The following ARHGEF3 variants were observed in gnomAD, a reference collection of about 807,000 sequenced individuals.
ARHGEF3 encodes 59.8 kDA protein.
ARHGEF3 carries 28 observed loss-of-function variants against 63.2 expected under a neutral mutation model. The ratio of observed to expected loss-of-function variants is 0.44; its 90% CI spans 0.33 to 0.61. ARHGEF3 has a LOEUF of 0.61. Among genes scored for constraint, ARHGEF3 ranks in the 20% least tolerant of loss-of-function variants. The probability of loss-of-function intolerance (pLI) is 0.03; values close to 1 mark genes in which losing one functional copy is unlikely to be tolerated. For synonymous variants in ARHGEF3, 266 were observed against 254.2 expected (o/e 1.05, Z -0.44); for missense variants, 533 against 659.3 (o/e 0.81, Z 2.10).
chr3:56,899,457 G>A (rs1230825518), intron 3 of ARHGEF3, among the ~76,000 whole-genome samples: 4 of 152,204 alleles, frequency 2.6e-5, no homozygotes, highest in South Asian at 2.1e-4. Context: ...TCTCTTCTAC[G>A]TACAAAGAGG....
intron 2 of ARHGEF3, among the ~76,000 whole-genome samples, chr3:56,764,134 C>T (rs1430607438): frequency 6.6e-6 from 1 of 152,076 alleles, no homozygotes; most frequent in Non-Finnish European, 1.5e-5. Flanking sequence ...CAACAAGAAA[C>T]CCTTCTGTAG....
intron 2 of ARHGEF3, among the ~76,000 whole-genome samples, chr3:57,028,805 T>C (rs1161751125): frequency 6.6e-6 from 1 of 152,000 alleles, no homozygotes; most frequent in Admixed American, 6.6e-5. Flanking sequence ...GGAGCCAATG[T>C]ATATAAAAAG....
At chr3:57,065,430 C>T (rs948888500) in intron 1 of ARHGEF3, among the ~76,000 whole-genome samples, 4 of 151,714 alleles carry the variant, frequency 2.6e-5, no homozygotes, top group African/African-American at 9.7e-5. Flanking sequence ...CACTGCACTC[C>T]AGCCTGGGCA....
rs147680944 is a variant in ARHGEF3, at chr3:57,006,657, G to A, written c.62+28431C>T. On this transcript the variant is annotated intron_variant, in intron 2 of 12. Coordinates refer to the ARHGEF3 transcript ENST00000338458. ...GCTTTTCATAGGTCCTAAATAATCCGGCCTTTAAGAAAATGCTCGTGTATC... is the reference window on the plus strand; with the variant it reads ...GCTTTTCATAGGTCCTAAATAATCCAGCCTTTAAGAAAATGCTCGTGTATC... Among the ~76,000 whole-genome samples, 22 of 151,962 alleles carry A rather than the reference G, an allele frequency of 1.4e-4. No individual in the cohort carries two copies. The East Asian group carries it at 3.7e-3, about 25-fold the overall frequency.
chr3:56,913,187 C>T (rs1278201529), intron 3 of ARHGEF3, among the ~76,000 whole-genome samples: 1 of 151,234 alleles, frequency 6.6e-6, no homozygotes, highest in African/African-American at 2.4e-5. Context: ...AAAACTATGT[C>T]TAAACAATGT....
chr3:56,906,238 C>G (rs1373062836), intron 3 of ARHGEF3, among the ~76,000 whole-genome samples: 3 of 152,154 alleles, frequency 2.0e-5, no homozygotes, highest in Non-Finnish European at 2.9e-5. Context: ...TTAAAATGCA[C>G]CTCCTCAGCT....
At chr3:56,859,976 C>CA (rs113202254) in intron 4 of ARHGEF3, among the ~76,000 whole-genome samples, 12,966 of 151,836 alleles carry the variant, frequency 0.085, 811 homozygotes, top group Admixed American at 0.21. Flanking sequence ...GCCTGGGTAA[C>CA]ATGGCGAAAC....
intron 2 of ARHGEF3, among the ~76,000 whole-genome samples, chr3:56,960,030 C>A (rs1700212951): frequency 6.6e-6 from 1 of 152,166 alleles, no homozygotes; most frequent in South Asian, 2.1e-4. Flanking sequence ...TTTACCTTGA[C>A]CTTTCTGCTG....
intron 1 of ARHGEF3, among the ~76,000 whole-genome samples, chr3:56,796,097 C>T (rs2037348261): frequency 6.6e-6 from 1 of 152,168 alleles, no homozygotes; most frequent in South Asian, 2.1e-4. Context: ...GTGACCTCTA[C>T]CCATTATCAA....
At chr3:57,061,462 C>T (rs769491650) in intron 1 of ARHGEF3, among the ~76,000 whole-genome samples, 1 of 152,304 alleles carries the variant, frequency 6.6e-6, no homozygotes, top group East Asian at 1.9e-4. Context: ...CTCACTCAAC[C>T]AGAAATTCCT....
At chr3:56,777,241 G>A (rs1263445821) in intron 1 of ARHGEF3, among the ~76,000 whole-genome samples, 1 of 150,152 alleles carries the variant, frequency 6.7e-6, no homozygotes, top group Admixed American at 6.7e-5. Context: ...ATTGGCAGTG[G>A]CTTTTATCAA....
At chr3:56,756,437 T>C (rs2107776027) in intron 2 of ARHGEF3, among the ~76,000 whole-genome samples, 1 of 152,102 alleles carries the variant, frequency 6.6e-6, no homozygotes, top group East Asian at 1.9e-4. Context: ...TCTCCAACCA[T>C]ACTAGGCTAT....
intron 7 of ARHGEF3, among the ~76,000 whole-genome samples, chr3:56,742,784 A>G (rs540994306): frequency 2.5e-4 from 38 of 152,370 alleles, no homozygotes; most frequent in African/African-American, 9.1e-4. Flanking sequence ...CTGAATAACT[A>G]GATGCAGAGT....
At chr3:56,958,952 T>C in intron 2 of ARHGEF3, 1 of 1,467,306 alleles carries the variant, frequency 6.8e-7, no homozygotes, top group Non-Finnish European at 9.3e-7. Flanking sequence ...AAGTCACTGC[T>C]TTCAAATGCA....
intron 2 of ARHGEF3, among the ~76,000 whole-genome samples, chr3:56,769,881 T>C (rs1314688622): frequency 2.0e-5 from 3 of 152,214 alleles, no homozygotes; most frequent in African/African-American, 7.2e-5. Context: ...ACCAAGCTGC[T>C]CAATTACAGC....
chr3:57,002,549 T>C lies in ARHGEF3; in HGVS notation c.62+32539A>G, dbSNP rs1185924841. On this transcript the variant is annotated intron_variant, in intron 2 of 12. Coordinates refer to the ARHGEF3 transcript ENST00000338458. ...TATGTTATATATGTAATATATGTTA[T>C]GTTATATATATGTTATATGTATGTT... is the stretch of plus-strand genomic sequence containing the variant. Among the ~76,000 whole-genome samples, 5 of 83,024 alleles carry C rather than the reference T, an allele frequency of 6.0e-5. No individual in the cohort carries two copies. In the South Asian group the frequency reaches 1.2e-3, roughly 20 times the overall value. 54.5% of individuals were successfully genotyped at this position (83,024 alleles called of 152,430 possible).
intron 2 of ARHGEF3, 129 bp downstream of exon 2, chr3:56,773,580 C>T: frequency 1.3e-6 from 1 of 757,322 alleles, no homozygotes. Flanking sequence ...CCCTCACTTG[C>T]ACTCTTCTAT....
At chr3:56,835,218 C>G (rs950842327) in intron 4 of ARHGEF3, among the ~76,000 whole-genome samples, 1 of 152,084 alleles carries the variant, frequency 6.6e-6, no homozygotes, top group Non-Finnish European at 1.5e-5. Context: ...TCTTGTCCCC[C>G]AGGCTGGAGT....
intron 2 of ARHGEF3, among the ~76,000 whole-genome samples, chr3:56,772,909 T>A (rs548090332): frequency 2.0e-4 from 30 of 152,164 alleles, no homozygotes; most frequent in Non-Finnish European, 4.0e-4. Flanking sequence ...AAAAACATTT[T>A]TTTAATAAAA....
Sources: allele counts gnomAD v4.1 joint callset (sites outside exome capture counted in the v4.1 genomes callset), GRCh38; gene constraint gnomAD v4.1.1; transcripts MANE v1.5; gene names NCBI Gene and HGNC (gene_info 2026-07-23, HGNC 2026-07-21).